The following PTPRT variants were observed in gnomAD, a reference collection of about 807,000 sequenced individuals.
PTPRT encodes the protein receptor-type tyrosine-protein phosphatase T.
Under a neutral mutation model 176.8 loss-of-function variants are expected in PTPRT, and 56 were observed. That is an observed-to-expected ratio of 0.32 (90% confidence interval 0.26 to 0.40). The LOEUF is 0.40. Ranked by LOEUF, PTPRT falls within the 10% of genes least tolerant of loss-of-function variation. PTPRT has a pLI of 1.00. For synonymous variants in PTPRT, 783 were observed against 739.0 expected (o/e 1.06, Z -0.96); for missense variants, 1,540 against 1,908.2 (o/e 0.81, Z 3.60).
intron 2 of PTPRT, among the ~76,000 whole-genome samples, chr20:42,810,063 T>G (rs1483453195): frequency 6.6e-6 from 1 of 152,004 alleles, no homozygotes; most frequent in African/African-American, 2.4e-5. Flanking sequence ...GAGGCCGAAG[T>G]GGGTGGATTG....
chr20:42,678,406 T>C (rs2075546159), intron 6 of PTPRT, among the ~76,000 whole-genome samples: 1 of 152,180 alleles, frequency 6.6e-6, no homozygotes, highest in Non-Finnish European at 1.5e-5. Context: ...GTTCAAGCAA[T>C]TCTCATGCCT....
chr20:42,410,380 C>A (rs2059002906), intron 9 of PTPRT, among the ~76,000 whole-genome samples: 1 of 151,506 alleles, frequency 6.6e-6, no homozygotes, highest in African/African-American at 2.4e-5. Flanking sequence ...ACAAATGCAC[C>A]TAACAGCAGT....
At chr20:42,582,763 CAAAAAACTGGACCT>C (rs2073397689) in intron 7 of PTPRT, among the ~76,000 whole-genome samples, 1 of 152,070 alleles carries the variant, frequency 6.6e-6, no homozygotes, top group Admixed American at 6.6e-5. Flanking sequence ...AGAGCTCGCC[CAAAAAACTGGACCT>C]ATAGAGAAAC....
chr20:42,087,750 G>T (rs1052081285), intron 27 of PTPRT, among the ~76,000 whole-genome samples: 14 of 150,996 alleles, frequency 9.3e-5, no homozygotes, highest in Non-Finnish European at 1.9e-4. Context: ...GTGGGCACCT[G>T]TAATCCCAGC....
chr20:42,840,646 C>G (rs1389123916), intron 2 of PTPRT, among the ~76,000 whole-genome samples: 1 of 152,188 alleles, frequency 6.6e-6, no homozygotes, highest in East Asian at 1.9e-4. Flanking sequence ...CTCTTGACCT[C>G]AAGTGATCTG....
intron 15 of PTPRT, among the ~76,000 whole-genome samples, chr20:42,225,777 T>C (rs1194141533): frequency 1.3e-5 from 2 of 152,140 alleles, no homozygotes; most frequent in African/African-American, 2.4e-5. Flanking sequence ...CTCGGCCTCC[T>C]GAGTATCTGG....
At chr20:42,747,537 G>C (rs1208275988) in intron 6 of PTPRT, among the ~76,000 whole-genome samples, 3 of 152,190 alleles carry the variant, frequency 2.0e-5, no homozygotes, top group Non-Finnish European at 1.5e-5. Flanking sequence ...GGGGTGGGAG[G>C]TGGGGGAGAG....
chr20:42,232,299 G>T (rs1238396521), intron 15 of PTPRT, among the ~76,000 whole-genome samples: 1 of 152,206 alleles, frequency 6.6e-6, no homozygotes, highest in Non-Finnish European at 1.5e-5. Flanking sequence ...CCTATGAGGA[G>T]GGTATTACTT....
chr20:42,367,715 T>C (rs1270744219), intron 9 of PTPRT, among the ~76,000 whole-genome samples: 3 of 151,960 alleles, frequency 2.0e-5, no homozygotes, highest in Admixed American at 1.3e-4. Flanking sequence ...AAGGACGTCA[T>C]GGAGGTGAGG....
intron 1 of PTPRT, among the ~76,000 whole-genome samples, chr20:42,887,464 A>T (rs560009655): frequency 6.6e-6 from 1 of 152,292 alleles, no homozygotes; most frequent in Non-Finnish European, 1.5e-5. Context: ...TTTATAAGCC[A>T]CTCAGTCATG....
At chr20:43,023,806 G>A (rs978262506) in intron 1 of PTPRT, among the ~76,000 whole-genome samples, 1 of 152,158 alleles carries the variant, frequency 6.6e-6, no homozygotes, top group Non-Finnish European at 1.5e-5. Context: ...TCTTGTTATT[G>A]GAGATCACCC....
At chr20:42,239,260 T>C (rs2056304358) in intron 14 of PTPRT, among the ~76,000 whole-genome samples, 1 of 152,192 alleles carries the variant, frequency 6.6e-6, no homozygotes, top group Non-Finnish European at 1.5e-5. Flanking sequence ...TTAACTCATG[T>C]ATTCCTCACA....
intron 1 of PTPRT, chr20:42,966,485 T>C (rs1035683452): frequency 6.6e-6 from 1 of 152,200 alleles, no homozygotes; most frequent in African/African-American, 2.4e-5. Flanking sequence ...GCCCATCCAT[T>C]TCCCCCAGAG....
At chr20:42,868,678 T>C (rs1014502702) in intron 2 of PTPRT, among the ~76,000 whole-genome samples, 1 of 152,176 alleles carries the variant, frequency 6.6e-6, no homozygotes, top group Admixed American at 6.5e-5. Flanking sequence ...AGATGCCTGA[T>C]AGGGTTATTA....
intron 7 of PTPRT, among the ~76,000 whole-genome samples, chr20:42,541,144 A>T (rs1036843318): frequency 2.0e-5 from 3 of 152,186 alleles, no homozygotes; most frequent in South Asian, 2.1e-4. Flanking sequence ...AATATAAAAA[A>T]ATATACAATG....
intron 6 of PTPRT, among the ~76,000 whole-genome samples, chr20:42,679,957 G>A (rs1258971967): frequency 1.3e-5 from 2 of 152,154 alleles, no homozygotes; most frequent in African/African-American, 4.8e-5. Flanking sequence ...ATGAACAAGA[G>A]GAAATGAAGA....
chr20:42,365,003 C>T (rs964852495), intron 9 of PTPRT, among the ~76,000 whole-genome samples: 2 of 152,120 alleles, frequency 1.3e-5, no homozygotes, highest in African/African-American at 4.8e-5. Flanking sequence ...GGATGTGAGC[C>T]ACATTTGTGA....
At chr20:42,623,210 G>C (rs1408986659) in intron 7 of PTPRT, among the ~76,000 whole-genome samples, 1 of 152,222 alleles carries the variant, frequency 6.6e-6, no homozygotes, top group Non-Finnish European at 1.5e-5. Context: ...GCACTGAGCT[G>C]GTTAACTTTA....
chr20:42,574,894 C>T lies in PTPRT; in HGVS notation c.1154-102332G>A, dbSNP rs141470605. Among the ~76,000 whole-genome samples the T allele has an allele frequency of 6.0e-4, 92 of 152,268 alleles. 1 individual carries two copies. The highest frequency in any genetic ancestry group is 2.1e-3 in the African/African-American group (88 of 41,550). ...TGGCAGCTCCTCGTTTGTTCTCTCT[C>T]TCTCCTGCCATCCTGCCATCATGCC... On this transcript the variant is annotated intron_variant, in intron 7 of 30. Coordinates refer to ENST00000373187, the MANE Select transcript of PTPRT (RefSeq NM_007050.6).
Sources: allele counts gnomAD v4.1 joint callset (sites outside exome capture counted in the v4.1 genomes callset), GRCh38; gene constraint gnomAD v4.1.1; transcripts MANE v1.5; gene names NCBI Gene and HGNC (gene_info 2026-07-23, HGNC 2026-07-21).